ZNF385D: variants seen among roughly 807,000 people sequenced by gnomAD.
ZNF385D encodes the protein zinc finger protein 659.
A neutral mutation model predicts 35.8 loss-of-function variants in ZNF385D; 15 were observed. The observed-to-expected ratio is 0.42, with a 90% confidence interval of 0.28 to 0.64. The LOEUF is 0.64. ZNF385D is among the 30% of genes least tolerant of loss of function. The probability of loss-of-function intolerance (pLI) is 0.23; values close to 1 mark genes in which losing one functional copy is unlikely to be tolerated. For missense variants in ZNF385D, 474 were observed against 494.6 expected, an observed-to-expected ratio of 0.96 and a Z score of 0.39; for synonymous variants, 212 against 186.8, an observed-to-expected ratio of 1.13 and a Z score of -1.10.
At chr3:21,591,692 C>A (rs149331602) in intron 2 of ZNF385D, among the ~76,000 whole-genome samples, 4 of 152,120 alleles carry the variant, frequency 2.6e-5, no homozygotes, top group Non-Finnish European at 4.4e-5. Context: ...GGAAGCACTC[C>A]GCTTCTGAAG....
intron 1 of ZNF385D, among the ~76,000 whole-genome samples, chr3:21,692,026 A>C (rs2067303071): frequency 6.6e-6 from 1 of 152,196 alleles, no homozygotes; most frequent in South Asian, 2.1e-4. Context: ...TAATGTTTTC[A>C]AGATCCATCC....
chr3:22,086,429 T>C (rs1701045689), intron 3 of ZNF385D, among the ~76,000 whole-genome samples: 1 of 152,160 alleles, frequency 6.6e-6, no homozygotes, highest in South Asian at 2.1e-4. Context: ...AGCCAAATCA[T>C]GAGTGAACTC....
chr3:22,057,745 C>T (rs1176085648), intron 3 of ZNF385D, among the ~76,000 whole-genome samples: 2 of 152,138 alleles, frequency 1.3e-5, no homozygotes, highest in African/African-American at 4.8e-5. Flanking sequence ...AACTCCTGAC[C>T]TCAGGTGATC....
At chr3:22,201,001 A>T (rs1287328247) in intron 2 of ZNF385D, among the ~76,000 whole-genome samples, 5 of 152,060 alleles carry the variant, frequency 3.3e-5, no homozygotes, top group Non-Finnish European at 5.9e-5. Context: ...TGTACAGTTA[A>T]TGCAATTATT....
chr3:21,809,365 T>C (rs1384382359), intron 3 of ZNF385D, among the ~76,000 whole-genome samples: 2 of 144,892 alleles, frequency 1.4e-5, no homozygotes, highest in African/African-American at 2.5e-5. Flanking sequence ...TTTAAAATTA[T>C]GTTTGATAAC....
intron 2 of ZNF385D, among the ~76,000 whole-genome samples, chr3:22,256,926 A>G (rs1700346563): frequency 6.6e-6 from 1 of 151,882 alleles, no homozygotes. Flanking sequence ...ATTAGTTCAT[A>G]AAGATAGAAA....
At chr3:22,104,826 CAA>C (rs573829274) in intron 3 of ZNF385D, among the ~76,000 whole-genome samples, 372 of 152,218 alleles carry the variant, frequency 2.4e-3, no homozygotes, top group African/African-American at 8.4e-3. Flanking sequence ...TGTCTGAAAT[CAA>C]AAGAGTCTCT....
chr3:22,212,020 A>T (rs557204403), intron 2 of ZNF385D, among the ~76,000 whole-genome samples: 2 of 152,168 alleles, frequency 1.3e-5, no homozygotes, highest in East Asian at 3.9e-4. Context: ...TATAATTCAC[A>T]AATGGTAATC....
intron 3 of ZNF385D, among the ~76,000 whole-genome samples, chr3:21,535,455 G>T (rs533990496): frequency 6.6e-6 from 1 of 152,022 alleles, no homozygotes; most frequent in Non-Finnish European, 1.5e-5. Flanking sequence ...AGATCACATC[G>T]CATGGCAACT....
At chr3:22,224,591 A>G (rs1349604429) in intron 2 of ZNF385D, among the ~76,000 whole-genome samples, 2 of 152,192 alleles carry the variant, frequency 1.3e-5, no homozygotes, top group African/African-American at 4.8e-5. Context: ...AACACAGTGG[A>G]GATACAGTGA....
chr3:22,201,469 G>A (rs1491889), intron 2 of ZNF385D, among the ~76,000 whole-genome samples: 18,959 of 151,852 alleles, frequency 0.12, 1,536 homozygotes, highest in Middle Eastern at 0.23. Context: ...TTTATACGTC[G>A]GAAATAATTG....
intron 3 of ZNF385D, among the ~76,000 whole-genome samples, chr3:22,094,426 T>C (rs1445951655): frequency 1.3e-5 from 1 of 76,994 alleles, no homozygotes; most frequent in Admixed American, 1.2e-4. Flanking sequence ...ATTTGTGTCA[T>C]ATGAGTCCTC....
chr3:21,866,506 G>A (rs370661420), intron 3 of ZNF385D, among the ~76,000 whole-genome samples: 21 of 152,204 alleles, frequency 1.4e-4, no homozygotes, highest in South Asian at 4.1e-4. Flanking sequence ...ATTGATCTAC[G>A]GATATTGTTC....
rs542302322 is a variant in ZNF385D, at chr3:22,368,751, C to A, written c.106+3699G>T. Among the ~76,000 whole-genome samples the A allele has an allele frequency of 3.9e-5, 6 of 152,342 alleles. No homozygotes were observed. In the South Asian group the frequency reaches 1.2e-3, roughly 32 times the overall value. ...TAACCTCATCTAACCCGAATCATTT[C>A]TCAAAGGCTTCACCTCAAATACTAT... On this transcript the variant is annotated intron_variant, in intron 2 of 5. Coordinates refer to the ZNF385D transcript ENST00000494108.
intron 3 of ZNF385D, among the ~76,000 whole-genome samples, chr3:21,996,096 C>G (rs775389385): frequency 6.6e-6 from 1 of 152,040 alleles, no homozygotes; most frequent in African/African-American, 2.4e-5. Flanking sequence ...ATCTGGTGGG[C>G]TGGGCTCTCA....
At chr3:21,970,300 C>T (rs1387550975) in intron 3 of ZNF385D, among the ~76,000 whole-genome samples, 1 of 151,838 alleles carries the variant, frequency 6.6e-6, no homozygotes, top group East Asian at 1.9e-4. Flanking sequence ...TGAGGAAACT[C>T]AAAGAAATTT....
At chr3:22,034,191 T>G (rs375926745) in intron 3 of ZNF385D, among the ~76,000 whole-genome samples, 15 of 152,242 alleles carry the variant, frequency 9.9e-5, no homozygotes, top group Admixed American at 5.9e-4. Flanking sequence ...TTTGGGAGAT[T>G]AGAATTAGAT....
chr3:21,816,301 T>C (rs998604587), intron 3 of ZNF385D, among the ~76,000 whole-genome samples: 2 of 152,098 alleles, frequency 1.3e-5, no homozygotes, highest in East Asian at 1.9e-4. Flanking sequence ...ACCACTCCTA[T>C]GCAAAATAGT....
rs556973070 is a variant in ZNF385D, at chr3:22,075,885, A to T, written c.325+92932T>A. Among the ~76,000 whole-genome samples the T allele has an allele frequency of 6.6e-5, 10 of 152,036 alleles. No individual in the cohort carries two copies. In the South Asian group the frequency reaches 1.9e-3, roughly 28 times the overall value. ...CTTCTTGTCTTCCCAAACTTCGTAAATACCATCATAATCCATCCAGTTCCT... is the reference window on the plus strand; with the variant it reads ...CTTCTTGTCTTCCCAAACTTCGTAATTACCATCATAATCCATCCAGTTCCT... On this transcript the variant is annotated intron_variant, in intron 3 of 5. Coordinates refer to the ZNF385D transcript ENST00000494108.
Sources: allele counts gnomAD v4.1 joint callset (sites outside exome capture counted in the v4.1 genomes callset), GRCh38; gene constraint gnomAD v4.1.1; transcripts MANE v1.5; gene names NCBI Gene and HGNC (gene_info 2026-07-23, HGNC 2026-07-21).